The following SMARCC1 variants were observed in gnomAD, a reference collection of about 807,000 sequenced individuals.
SMARCC1 encodes the protein SWI/SNF complex subunit SMARCC1.
In SMARCC1, 43 loss-of-function variants were observed where a neutral mutation model predicts 147.4. The observed-to-expected ratio is 0.29, with a 90% CI of 0.23 to 0.38. The LOEUF (loss-of-function observed/expected upper bound fraction) is 0.38. Among genes scored for constraint, SMARCC1 ranks in the 10% least tolerant of loss-of-function variants. SMARCC1 has a pLI of 1.00. For synonymous variants in SMARCC1, 495 were observed against 484.4 expected (o/e 1.02, Z -0.29); for missense variants, 1,119 against 1,381.1 (o/e 0.81, Z 3.01).
intron 4 of SMARCC1, among the ~76,000 whole-genome samples, chr3:47,737,171 C>T (rs114259401): frequency 0.01 from 1,573 of 152,210 alleles, 23 homozygotes; most frequent in African/African-American, 0.036. Context: ...GCAAGCAAAT[C>T]GCTTGAATTC....
At chr3:47,771,206 G>C (rs1024523375) in intron 2 of SMARCC1, among the ~76,000 whole-genome samples, 1 of 152,090 alleles carries the variant, frequency 6.6e-6, no homozygotes, top group African/African-American at 2.4e-5. Context: ...ACGACGCCCC[G>C]CCTATTATTT....
intron 2 of SMARCC1, among the ~76,000 whole-genome samples, chr3:47,754,490 G>A (rs764205435): frequency 6.6e-5 from 10 of 151,972 alleles, no homozygotes; most frequent in East Asian, 1.9e-4. Context: ...TGTGAGCCAC[G>A]GCTCCTGGCC....
intron 6 of SMARCC1, among the ~76,000 whole-genome samples, chr3:47,725,459 TA>T (rs1315713217): frequency 1.1e-4 from 17 of 152,032 alleles, no homozygotes; most frequent in South Asian, 2.1e-4. Flanking sequence ...TATATATATA[TA>T]TTTTTTTGGA....
At chr3:47,699,207 C>A (rs1431745716) in intron 11 of SMARCC1, among the ~76,000 whole-genome samples, 1 of 152,060 alleles carries the variant, frequency 6.6e-6, no homozygotes, top group Non-Finnish European at 1.5e-5. Context: ...AAAATCCAAG[C>A]AACTGTGAAT....
At chr3:47,781,186 CA>C (rs1201110395) in intron 1 of SMARCC1, among the ~76,000 whole-genome samples, 1 of 152,116 alleles carries the variant, frequency 6.6e-6, no homozygotes, top group Non-Finnish European at 1.5e-5. Context: ...TTTAGCAATT[CA>C]ACAACAGGTA....
At chr3:47,744,710 C>T (rs1348803623) in intron 3 of SMARCC1, among the ~76,000 whole-genome samples, 8 of 152,100 alleles carry the variant, frequency 5.3e-5, no homozygotes, top group Admixed American at 5.2e-4. Flanking sequence ...TGAACTATGT[C>T]CCTGACAACC....
rs764671882 is a variant in SMARCC1, at chr3:47,720,687, T to A, written c.695A>T (p.His232Leu). ...TTACCTGTCTGGGTAAAAGCCCCAA[T>A]GCACTAACACTTGCTTCTCTTTTCT... Reference protein sequence around the residue: ...VMRKEKQVLVHWGFYPDSYDT... With the variant: ...VMRKEKQVLVLWGFYPDSYDT... Residue 232 changes from histidine (H) to leucine (L), a missense_variant, in exon 7 of 28, where the codon CAT (histidine) becomes CTT (leucine). Around this residue, in one of 6 missense-constraint regions of SMARCC1, gnomAD observed 542 missense variants for 611.8 expected, o/e 0.89. Coordinates refer to ENST00000254480, the MANE Select transcript of SMARCC1 (RefSeq NM_003074.4). The A allele has an allele frequency of 6.2e-7, 1 of 1,612,380 alleles. No homozygotes were observed. The highest frequency in any genetic ancestry group is 8.5e-7 in the Non-Finnish European group (1 of 1,178,598).
chr3:47,775,332 T>C (rs2034962046), intron 1 of SMARCC1, among the ~76,000 whole-genome samples: 1 of 150,970 alleles, frequency 6.6e-6, no homozygotes. Flanking sequence ...GGCTAATTTT[T>C]TGTATTTTTA....
At chr3:47,770,822 ATTTC>A (rs2034904161) in intron 2 of SMARCC1, among the ~76,000 whole-genome samples, 1 of 152,192 alleles carries the variant, frequency 6.6e-6, no homozygotes, top group African/African-American at 2.4e-5. Flanking sequence ...ATTTAACTAA[ATTTC>A]TTTAACTTTT....
chr3:47,701,354 C>A lies in SMARCC1; in HGVS notation c.1089G>T (p.Glu363Asp). ...GKRRSQKEED[E>D]QEDLTKDMED... ...CCATATCCTTGGTTAGATCTTCTTG[C>A]TCATCTTCCTCTTTCTGACTTCTGC... The change falls in exon 11 of 28, where the codon GAG becomes GAT. Residue 363 changes from glutamate to aspartate, a missense_variant. Transcript: ENST00000254480. 2 of 1,613,238 alleles carry A rather than the reference C, an allele frequency of 1.2e-6. No homozygotes were observed. Among genetic ancestry groups the A allele is most frequent in the Non-Finnish European group, 8.5e-7 (1 of 1,179,206 alleles).
At chr3:47,778,201 AACAAAAAAC>A (rs1288620725) in intron 1 of SMARCC1, among the ~76,000 whole-genome samples, 4 of 136,996 alleles carry the variant, frequency 2.9e-5, no homozygotes, top group African/African-American at 1.2e-4. Context: ...AAAAAAAAAA[AACAAAAAAC>A]AAAAAACAAA....
At chr3:47,626,153 CT>C (rs1203421886) in intron 24 of SMARCC1, among the ~76,000 whole-genome samples, 81 of 145,156 alleles carry the variant, frequency 5.6e-4, no homozygotes, top group Non-Finnish European at 4.1e-4. Context: ...AGGCCCCGTC[CT>C]TTTTTTTTTT....
chr3:47,744,309 T>C lies in SMARCC1; in HGVS notation c.401+1599A>G, dbSNP rs546786674. Among the ~76,000 whole-genome samples the C allele has an allele frequency of 7.9e-5, 12 of 152,036 alleles. No homozygotes were observed. The South Asian group carries it at 2.3e-3, about 29-fold the overall frequency. Reference sequence around the variant, plus strand: ...AGTGCCTGCCACCAAGTCTGGCTAATTTTTTTTGTATTTTTAGTAGAGACA... The same window carrying C: ...AGTGCCTGCCACCAAGTCTGGCTAACTTTTTTTGTATTTTTAGTAGAGACA... On this transcript the variant is annotated intron_variant, in intron 3 of 27. Transcript: ENST00000254480.
At chr3:47,718,943 GTC>G (rs895806881) in intron 7 of SMARCC1, among the ~76,000 whole-genome samples, 11 of 151,890 alleles carry the variant, frequency 7.2e-5, no homozygotes, top group Non-Finnish European at 1.6e-4. Context: ...TTGAGATGGA[GTC>G]TCTGTCACCC....
chr3:47,601,011 G>GAGAGAC (rs2032374850), intron 26 of SMARCC1, among the ~76,000 whole-genome samples: 2 of 78,552 alleles, frequency 2.5e-5, no homozygotes, highest in South Asian at 1.3e-3. Flanking sequence ...GAGAGAGAGA[G>GAGAGAC]AGAGAGAGAG....
chr3:47,713,998 G>A (rs922167673), intron 8 of SMARCC1, among the ~76,000 whole-genome samples: 13 of 152,206 alleles, frequency 8.5e-5, no homozygotes, highest in South Asian at 2.1e-4. Context: ...ACAGGAAAGG[G>A]AAACCAACAT....
chr3:47,597,209 T>A (rs542541303), intron 26 of SMARCC1, among the ~76,000 whole-genome samples: 1 of 150,292 alleles, frequency 6.7e-6, no homozygotes, highest in Admixed American at 6.6e-5. Flanking sequence ...CAGGCTGGAG[T>A]ACAGTGGTAT....
intron 25 of SMARCC1, among the ~76,000 whole-genome samples, chr3:47,615,129 C>T (rs189909487): frequency 5.4e-4 from 82 of 152,316 alleles, no homozygotes; most frequent in Middle Eastern, 3.4e-3. Flanking sequence ...CTAATCCCCC[C>T]GACTCAGCCC....
intron 8 of SMARCC1, among the ~76,000 whole-genome samples, chr3:47,712,311 A>G (rs2034093512): frequency 6.6e-6 from 1 of 152,192 alleles, no homozygotes. Context: ...GAAAAAAAAA[A>G]TAGGACTGTG....
Sources: allele counts gnomAD v4.1 joint callset (sites outside exome capture counted in the v4.1 genomes callset), GRCh38; gene constraint gnomAD v4.1.1; regional missense constraint gnomAD v4.1.1; transcripts MANE v1.5; gene names NCBI Gene and HGNC (gene_info 2026-07-23, HGNC 2026-07-21).